The following APELA variants were observed in gnomAD, a reference collection of about 807,000 sequenced individuals.
APELA encodes the protein protein Elabela.
intron 2 of APELA, among the ~76,000 whole-genome samples, chr4:164,884,121 G>C (rs199907764): frequency 8.8e-6 from 1 of 113,288 alleles, no homozygotes; most frequent in Non-Finnish European, 1.8e-5. Context: ...AAGAAAGAAA[G>C]AGAAAGAAAG....
At position 164,897,081 on chromosome 4, in the gene APELA, C is replaced by G. The variant is rs1298778111; in HGVS notation, c.*1667C>G. Reference sequence around the variant, plus strand: ...AGGCATGTGCCACCATGCTGGGCCACAAGTTCATATCTGGAGTAGAAGTTT... The same window carrying G: ...AGGCATGTGCCACCATGCTGGGCCAGAAGTTCATATCTGGAGTAGAAGTTT... On this transcript the variant is annotated 3_prime_UTR_variant, in exon 3 of 3. Coordinates refer to ENST00000507152, the MANE Select transcript of APELA (RefSeq NM_001297550.2). The G allele has an allele frequency of 2.0e-5, 3 of 152,086 alleles. No individual in the cohort carries two copies. 9.4% of individuals were successfully genotyped at this position (152,086 alleles called of 1,614,324 possible).
At chr4:164,883,820 G>A (rs1390999116) in intron 2 of APELA, among the ~76,000 whole-genome samples, 1 of 150,818 alleles carries the variant, frequency 6.6e-6, no homozygotes, top group Non-Finnish European at 1.5e-5. Context: ...TCTCAAGTAT[G>A]GGTAATCTCC....
intron 2 of APELA, among the ~76,000 whole-genome samples, chr4:164,890,212 G>T (rs1403039543): frequency 6.6e-6 from 1 of 152,130 alleles, no homozygotes; most frequent in Non-Finnish European, 1.5e-5. Context: ...CCTAGAAGTG[G>T]AATTATGAGG....
chr4:164,898,674 A>G (rs1731022299), downstream of APELA: 1 of 152,202 alleles, frequency 6.6e-6, no homozygotes, highest in African/African-American at 2.4e-5. Flanking sequence ...GTGGTGGACC[A>G]AAGCAAATTG....
At chr4:164,898,444 G>A (rs1016191520), downstream of APELA, among the ~76,000 whole-genome samples, 2 of 150,430 alleles carry the variant, frequency 1.3e-5, no homozygotes, top group Non-Finnish European at 3.0e-5. Flanking sequence ...AGAGGTTGCA[G>A]TGAGTCAAGA....
chr4:164,884,738 A>G (rs1730735751), intron 2 of APELA, among the ~76,000 whole-genome samples: 1 of 152,198 alleles, frequency 6.6e-6, no homozygotes, highest in African/African-American at 2.4e-5. Flanking sequence ...TATCATAACA[A>G]TACTTGGCAC....
At chr4:164,886,018 A>C (rs73871526) in intron 2 of APELA, among the ~76,000 whole-genome samples, 3,681 of 152,248 alleles carry the variant, frequency 0.024, 136 homozygotes, top group African/African-American at 0.084. Flanking sequence ...TTTAAAATAA[A>C]CTTCATCCTC....
At chr4:164,898,034 G>A (rs1440804226), downstream of APELA, among the ~76,000 whole-genome samples, 1 of 151,968 alleles carries the variant, frequency 6.6e-6, no homozygotes, top group African/African-American at 2.4e-5. Flanking sequence ...GGGATTACAG[G>A]CACCCACCAC....
chr4:164,886,070 T>C (rs1282292599), intron 2 of APELA, among the ~76,000 whole-genome samples: 1 of 152,214 alleles, frequency 6.6e-6, no homozygotes, highest in African/African-American at 2.4e-5. Context: ...TTTAAAGCCA[T>C]CTATCACATT....
intron 2 of APELA, among the ~76,000 whole-genome samples, chr4:164,887,687 C>T (rs1730800175): frequency 6.6e-6 from 1 of 152,038 alleles, no homozygotes; most frequent in Non-Finnish European, 1.5e-5. Flanking sequence ...TCTCAGCTCA[C>T]TGCAACCTCT....
chr4:164,890,879 T>A (rs1730869545), intron 2 of APELA, among the ~76,000 whole-genome samples: 1 of 152,216 alleles, frequency 6.6e-6, no homozygotes, highest in South Asian at 2.1e-4. Context: ...GGGTTTTAAT[T>A]TCTCCACATG....
chr4:164,889,834 C>T (rs939456368), intron 2 of APELA, among the ~76,000 whole-genome samples: 6 of 152,160 alleles, frequency 3.9e-5, no homozygotes, highest in African/African-American at 1.4e-4. Flanking sequence ...TCTTTATTCC[C>T]TAAACAATAC....
chr4:164,890,735 T>C (rs1730863885), intron 2 of APELA, among the ~76,000 whole-genome samples: 1 of 152,206 alleles, frequency 6.6e-6, no homozygotes, highest in Non-Finnish European at 1.5e-5. Context: ...GGAACATATG[T>C]TTTCAGTTCT....
intron 2 of APELA, among the ~76,000 whole-genome samples, chr4:164,893,743 T>C (rs147654249): frequency 5.3e-5 from 8 of 152,234 alleles, no homozygotes; most frequent in African/African-American, 1.9e-4. Context: ...GTTAATCATG[T>C]TTTTTGTTTG....
intron 2 of APELA, among the ~76,000 whole-genome samples, chr4:164,881,759 G>C (rs2111051320): frequency 6.6e-6 from 1 of 152,020 alleles, no homozygotes; most frequent in East Asian, 1.9e-4. Flanking sequence ...CTAAGGCCAG[G>C]TCCAGTGGCT....
At chr4:164,898,996 A>G (rs1731026098), downstream of APELA, 2 of 152,170 alleles carry the variant, frequency 1.3e-5, no homozygotes, top group Admixed American at 6.6e-5. Context: ...AAAATTTTAG[A>G]TAAACACAGG....
At chr4:164,888,193 A>G (rs775242986) in intron 2 of APELA, among the ~76,000 whole-genome samples, 7 of 152,222 alleles carry the variant, frequency 4.6e-5, no homozygotes, top group Non-Finnish European at 1.0e-4. Context: ...GGAAAAAAAG[A>G]AAAAAAGAAG....
chr4:164,898,224 G>A (rs1487964248), downstream of APELA, among the ~76,000 whole-genome samples: 10 of 151,504 alleles, frequency 6.6e-5, no homozygotes, highest in South Asian at 2.1e-4. Flanking sequence ...CTTTGTGGCC[G>A]GGCGTGGTGG....
chr4:164,895,286 C>T (rs918429283), intron 2 of APELA, 130 bp from the exon 3 acceptor site: 8 of 152,074 alleles, frequency 5.3e-5, no homozygotes, highest in African/African-American at 1.9e-4. Context: ...TATAAAGTTG[C>T]TTTCAGCACT....
Sources: gnomAD v4.1 joint callset for allele counts (sites outside exome capture counted in the v4.1 genomes callset) on GRCh38, gnomAD v4.1.1 for gene constraint, MANE v1.5 for transcripts, NCBI Gene and HGNC (gene_info 2026-07-23, HGNC 2026-07-21) for gene names.